Variants in CCAR1 observed in about 807,000 individuals in gnomAD.
CCAR1 encodes cell division cycle and apoptosis regulator protein 1.
Under a neutral mutation model 163.8 loss-of-function variants are expected in CCAR1, and 78 were observed. The observed-to-expected ratio is 0.48, with a 90% CI of 0.40 to 0.57. The LOEUF is 0.57. Ranked by LOEUF, CCAR1 falls within the 20% of genes least tolerant of loss-of-function variation. The pLI, the probability that CCAR1 is intolerant of heterozygous loss-of-function variation, is 0.00. For synonymous variants in CCAR1, 443 were observed against 460.7 expected (o/e 0.96, Z 0.49); for missense variants, 1,019 against 1,365.2 (o/e 0.75, Z 4.00).
In CCAR1 at chr10:68,783,588, T is replaced by C. The variant is rs568416823; in HGVS notation, c.2651-2548T>C. 2.6e-5 allele frequency among the ~76,000 whole-genome samples: 4 copies of C among 152,114 alleles called. No homozygotes were observed. The South Asian group carries it at 8.3e-4, about 32-fold the overall frequency. On this transcript the variant is annotated intron_variant, in intron 19 of 24. Transcript: ENST00000265872. ...TTCGAGACCAGCCTGGCCAACATGG[T>C]GAAACCCCAACTCTACTAAAAATTC...
chr10:68,780,709 C>G (rs1227681989), intron 19 of CCAR1, among the ~76,000 whole-genome samples: 2 of 152,156 alleles, frequency 1.3e-5, no homozygotes, highest in East Asian at 3.8e-4. Context: ...GTAATTCTTA[C>G]AGTATTTCCA....
intron 2 of CCAR1, among the ~76,000 whole-genome samples, chr10:68,723,214 C>T (rs1329081697): frequency 1.3e-5 from 2 of 151,240 alleles, no homozygotes; most frequent in Non-Finnish European, 2.9e-5. Flanking sequence ...CTCCGCCTCC[C>T]GGGTTCACGC....
At chr10:68,790,905 C>G (rs544100879) in intron 24 of CCAR1, among the ~76,000 whole-genome samples, 12 of 151,752 alleles carry the variant, frequency 7.9e-5, no homozygotes, top group African/African-American at 2.7e-4. Flanking sequence ...CACCATCTTT[C>G]CCAGGCTGGT....
At chr10:68,738,889 A>G (rs1371872998) in intron 4 of CCAR1, among the ~76,000 whole-genome samples, 2 of 152,214 alleles carry the variant, frequency 1.3e-5, no homozygotes, top group African/African-American at 4.8e-5. Context: ...TCTACTAAAA[A>G]TAGAAAAATT....
At chr10:68,777,560 T>C (rs2056681806) in intron 19 of CCAR1, among the ~76,000 whole-genome samples, 1 of 152,102 alleles carries the variant, frequency 6.6e-6, no homozygotes, top group Non-Finnish European at 1.5e-5. Context: ...GGCGCGCACC[T>C]GTAATCCCAG....
At chr10:68,746,012 G>A (rs1210168849) in intron 6 of CCAR1, among the ~76,000 whole-genome samples, 1 of 151,126 alleles carries the variant, frequency 6.6e-6, no homozygotes, top group Non-Finnish European at 1.5e-5. Context: ...TCGCTCTGTC[G>A]CCCAGGCTGG....
chr10:68,755,420 C>G lies in CCAR1; in HGVS notation c.1509C>G (p.His503Gln). 1 of 1,613,664 alleles carries G rather than the reference C, an allele frequency of 6.2e-7. No individual in the cohort carries two copies. The highest frequency in any genetic ancestry group is 8.5e-7 in the Non-Finnish European group (1 of 1,179,518). Residue 503 changes from histidine (H) to glutamine (Q), a missense_variant, in exon 13 of 25, where the codon CAC becomes CAG. By Grantham distance (24) the His-to-Gln change is conservative. This residue lies in a region of CCAR1 where 644 missense variants were observed against 904.4 expected (regional missense o/e 0.71). Transcript: ENST00000265872. ...GKDEAMAIGG[H>Q]WSPSLDGPDP... is the part of the protein sequence containing the mutation. ...ATGAAGCTATGGCCATTGGAGGCCA[C>G]TGGTCTCCTTCGTTGGATGGACCAG...
rs777454414 is a variant in CCAR1 at position 68,773,018 on chromosome 10, G to A, written c.2569G>A (p.Asp857Asn). The A allele has an allele frequency of 3.7e-5, 56 of 1,509,800 alleles. No individual in the cohort carries two copies. Among genetic ancestry groups the A allele is most frequent in the Non-Finnish European group, 4.8e-5 (53 of 1,102,350 alleles). The allele number at this position is 1,509,800 out of a possible 1,614,324, so 93.5% of individuals were successfully genotyped here. ...AGATAAAAGAAAAGATGATTCTAAA[G>A]ATGATGATGAAACTGAAGAAGATAA... Reference protein sequence around the residue: ...KEDKRKDDSKDDDETEEDNNQ... With the variant: ...KEDKRKDDSKNDDETEEDNNQ... Residue 857 changes from aspartate to asparagine, a missense_variant, in exon 19 of 25, where the codon GAT (aspartate) becomes AAT (asparagine). Coordinates refer to ENST00000265872, the MANE Select transcript of CCAR1 (RefSeq NM_018237.4).
At position 68,773,042 on chromosome 10, in the gene CCAR1, A is replaced by G. The variant is rs1157270115; in HGVS notation, c.2593A>G (p.Asn865Asp). The G allele has an allele frequency of 6.4e-7, 1 of 1,567,830 alleles. No individual in the cohort carries two copies. Among genetic ancestry groups the G allele is most frequent in the East Asian group, 2.3e-5 (1 of 43,412 alleles). Reference sequence around the variant, plus strand: ...AGATGATGATGAAACTGAAGAAGATAACAATCAAGATGAATATGACCCTAT... The same window carrying G: ...AGATGATGATGAAACTGAAGAAGATGACAATCAAGATGAATATGACCCTAT... ...SKDDDETEEDNNQDEYDPMEA... is the reference protein window; with the variant it reads ...SKDDDETEEDDNQDEYDPMEA... The change falls in exon 19 of 25, where the codon AAC becomes GAC. Residue 865 changes from asparagine to aspartate, a missense_variant. Coordinates refer to ENST00000265872, the MANE Select transcript of CCAR1 (RefSeq NM_018237.4).
At chr10:68,744,644 C>CT (rs1044837025) in intron 6 of CCAR1, among the ~76,000 whole-genome samples, 1 of 151,920 alleles carries the variant, frequency 6.6e-6, no homozygotes, top group African/African-American at 2.4e-5. Flanking sequence ...TGTTTTTTAT[C>CT]TTTTTTGCAT....
chr10:68,727,757 A>C (rs1267566031), intron 2 of CCAR1, among the ~76,000 whole-genome samples: 8 of 152,260 alleles, frequency 5.3e-5, no homozygotes, highest in Admixed American at 5.2e-4. Flanking sequence ...ATGGCCAATG[A>C]CTCACCAGTC....
intron 19 of CCAR1, among the ~76,000 whole-genome samples, chr10:68,776,876 GTC>G (rs2100139415): frequency 6.6e-6 from 1 of 152,124 alleles, no homozygotes; most frequent in Non-Finnish European, 1.5e-5. Context: ...TTCTCTCCCA[GTC>G]TCTCATATTG....
chr10:68,721,665 T>G (rs1446744353), intron 1 of CCAR1: 1 of 418,588 alleles, frequency 2.4e-6, no homozygotes, highest in South Asian at 1.6e-5. Flanking sequence ...GCTTTCTCCG[T>G]GCGTGGTAAA....
At chr10:68,743,975 TC>T (rs1053142752) in intron 6 of CCAR1, among the ~76,000 whole-genome samples, 55 of 152,268 alleles carry the variant, frequency 3.6e-4, no homozygotes, top group Middle Eastern at 3.4e-3. Flanking sequence ...GGTTTTAAAC[TC>T]CTGACCTCGT....
intron 15 of CCAR1, among the ~76,000 whole-genome samples, chr10:68,760,191 G>A (rs2056450882): frequency 6.6e-6 from 1 of 152,098 alleles, no homozygotes; most frequent in African/African-American, 2.4e-5. Flanking sequence ...CAAGGTCTCT[G>A]TCGCCGCGGC....
chr10:68,787,849 A>G, intron 21 of CCAR1, 78 bp from the exon 22 acceptor site: 1 of 1,408,224 alleles, frequency 7.1e-7, no homozygotes, highest in East Asian at 2.3e-5. Context: ...AGAAAGTGAA[A>G]ATTATATCAT....
chr10:68,782,789 T>C (rs2056752022), intron 19 of CCAR1, among the ~76,000 whole-genome samples: 1 of 152,170 alleles, frequency 6.6e-6, no homozygotes, highest in Non-Finnish European at 1.5e-5. Context: ...TTTTTTTTAC[T>C]CCTTTATCAT....
chr10:68,736,913 A>G lies in CCAR1; in HGVS notation c.111A>G (p.Ala37=), dbSNP rs566136047. ...TTCAACAGCCATCACTCCTTGGAGC[A>G]TCTCCTACCATTTATACACAGCAAA... The part of the protein sequence containing the change: ...LGVQQPSLLG[A]SPTIYTQQTA... The change falls in exon 3 of 25, where the codon GCA becomes GCG. Residue 37 remains alanine (A), a synonymous_variant. Transcript: ENST00000265872. The G allele has an allele frequency of 1.2e-6, 2 of 1,614,004 alleles. No homozygotes were observed. Among genetic ancestry groups the G allele is most frequent in the Non-Finnish European group, 1.7e-6 (2 of 1,179,958 alleles).
chr10:68,761,303 T>A (rs2056467100), intron 16 of CCAR1, 111 bp downstream of exon 16: 4 of 432,884 alleles, frequency 9.2e-6, no homozygotes, highest in Non-Finnish European at 1.1e-5. Context: ...TTATTTAATT[T>A]AATTAATTAA....
Sources: gnomAD v4.1 joint callset for allele counts (sites outside exome capture counted in the v4.1 genomes callset) on GRCh38, gnomAD v4.1.1 for gene constraint, gnomAD v4.1.1 regional missense constraint, MANE v1.5 for transcripts, NCBI Gene and HGNC (gene_info 2026-07-23, HGNC 2026-07-21) for gene names.